Variants in WDFY2 observed in about 807,000 individuals in gnomAD.
WDFY2 encodes the protein WD repeat and FYVE domain containing 2.
Under a neutral mutation model 56.4 loss-of-function variants are expected in WDFY2, and 36 were observed. The observed-to-expected ratio is 0.64, with a 90% CI of 0.49 to 0.84. The LOEUF (loss-of-function observed/expected upper bound fraction) is 0.84. Among genes scored for constraint, WDFY2 ranks in the 40% least tolerant of loss-of-function variants. WDFY2 has a pLI of 0.00. For missense variants in WDFY2, 444 were observed against 512.2 expected, an observed-to-expected ratio of 0.87 and a Z score of 1.29; for synonymous variants, 176 against 183.7, an observed-to-expected ratio of 0.96 and a Z score of 0.34.
chr13:51,653,238 C>T (rs1281138199), intron 1 of WDFY2, among the ~76,000 whole-genome samples: 10 of 152,142 alleles, frequency 6.6e-5, no homozygotes, highest in African/African-American at 1.9e-4. Context: ...GTTCTCGTGC[C>T]GTGGTTTTCA....
intron 3 of WDFY2, among the ~76,000 whole-genome samples, chr13:51,701,520 C>CAA (rs368134096): frequency 0.29 from 23,204 of 79,092 alleles, 3,142 homozygotes; most frequent in East Asian, 0.48. Context: ...GATTCCATCT[C>CAA]AAAAAAAAAA....
At chr13:51,586,378 A>G (rs1048903235) in intron 1 of WDFY2, 5 of 268,754 alleles carry the variant, frequency 1.9e-5, no homozygotes, top group African/African-American at 8.8e-5. Context: ...CAAGAAAAGG[A>G]GAAGGGTAGT....
intron 4 of WDFY2, among the ~76,000 whole-genome samples, chr13:51,711,274 A>G (rs1300920314): frequency 6.6e-6 from 1 of 152,250 alleles, no homozygotes; most frequent in Non-Finnish European, 1.5e-5. Flanking sequence ...CTTACACCTT[A>G]TACAAAAATT....
chr13:51,628,580 A>G (rs765358080), intron 1 of WDFY2, among the ~76,000 whole-genome samples: 11 of 152,128 alleles, frequency 7.2e-5, no homozygotes, highest in Non-Finnish European at 1.6e-4. Context: ...CCTTGCTCCC[A>G]CTGGCCTCAC....
chr13:51,701,844 A>C (rs1171462573), intron 3 of WDFY2, among the ~76,000 whole-genome samples: 1 of 152,100 alleles, frequency 6.6e-6, no homozygotes, highest in East Asian at 1.9e-4. Context: ...GTCTTCAATA[A>C]ATTTATTTGT....
rs542945432 is a variant in WDFY2, at chr13:51,613,095, G to A, written c.137+28271G>A. The stretch of plus-strand genomic sequence containing the variant: ...TGCCTGTAGTCCCAGCTACCCGGAA[G>A]GCTGAGGTGGGAGGATCACTTAAGC... On this transcript the variant is annotated intron_variant, in intron 1 of 11. Transcript: ENST00000298125. 2.0e-5 allele frequency among the ~76,000 whole-genome samples: 3 copies of A among 152,194 alleles called. No homozygotes were observed. In the South Asian group the frequency reaches 6.2e-4, roughly 32 times the overall value.
rs760411596 is a variant in WDFY2 at position 51,584,663 on chromosome 13, C to T, written c.-25C>T. 2.5e-6 allele frequency: 4 copies of T among 1,591,494 alleles called. No homozygotes were observed. The highest frequency in any genetic ancestry group is 3.5e-5 in the Admixed American group (2 of 56,884). On this transcript the variant is annotated 5_prime_UTR_variant, in exon 1 of 12. Coordinates refer to ENST00000298125, the MANE Select transcript of WDFY2 (RefSeq NM_052950.4). ...GGCCCCGCGGCGCGGTTGGCGGCGG[C>T]GCCCCAGGCGCGCCCCCTCCTCCGA...
chr13:51,756,642 G>C (rs1041640782), intron 10 of WDFY2, 180 bp downstream of exon 10: 3 of 985,260 alleles, frequency 3.0e-6, no homozygotes, highest in Admixed American at 1.2e-4. Flanking sequence ...CCTGTGAGAT[G>C]AGAGAAGAGA....
At chr13:51,732,692 T>G (rs529659108) in intron 6 of WDFY2, among the ~76,000 whole-genome samples, 9 of 152,212 alleles carry the variant, frequency 5.9e-5, no homozygotes, top group Non-Finnish European at 1.2e-4. Flanking sequence ...TCATATAGTT[T>G]AGAACTTCAA....
chr13:51,687,133 A>G (rs989111342), intron 3 of WDFY2, among the ~76,000 whole-genome samples: 3 of 150,320 alleles, frequency 2.0e-5, no homozygotes, highest in Non-Finnish European at 3.0e-5. Context: ...ATATATTTTA[A>G]AAGTATATTA....
chr13:51,751,494 T>C, intron 8 of WDFY2, 79 bp downstream of exon 8: 1 of 1,319,308 alleles, frequency 7.6e-7, no homozygotes, highest in Non-Finnish European at 1.1e-6. Flanking sequence ...ATTTCTTTTA[T>C]GATTAAACCA....
intron 2 of WDFY2, among the ~76,000 whole-genome samples, chr13:51,668,658 A>G (rs1295140857): frequency 6.6e-6 from 1 of 152,204 alleles, no homozygotes; most frequent in Non-Finnish European, 1.5e-5. Context: ...AGACCCTCTT[A>G]TTGTGAAATC....
rs1369082709 is a variant in WDFY2, at chr13:51,758,428, GT to G, written c.1173+129del. On this transcript the variant is annotated intron_variant, in intron 11 of 11. Coordinates refer to ENST00000298125, the MANE Select transcript of WDFY2 (RefSeq NM_052950.4). ...TAGCCGGCCATGGTGGCATGTGTCT[GT>G]AGTCCCAGCTACTCAGGAGATTTAG... 5.6e-6 allele frequency: 3 copies of G among 537,676 alleles called. No individual in the cohort carries two copies. In the African/African-American group the frequency reaches 5.6e-5, roughly 10 times the overall value. 33.3% of individuals were successfully genotyped at this position (537,676 alleles called of 1,614,324 possible). A position where few individuals can be genotyped will look rare whatever the true frequency, so the allele number is the denominator to read the frequency against.
In WDFY2 at chr13:51,670,536, C is replaced by CACACAG. The variant is rs1485724613; in HGVS notation, c.206-4633_206-4632insCACAGA. Among the ~76,000 whole-genome samples the CACACAG allele has an allele frequency of 1.7e-3, 238 of 141,764 alleles. 2 individuals carry two copies. The highest frequency in any genetic ancestry group is 3.6e-3 in the Admixed American group (52 of 14,286). 93.0% of individuals were successfully genotyped at this position (141,764 alleles called of 152,430 possible). A position where few individuals can be genotyped will look rare whatever the true frequency, so the allele number is the denominator to read the frequency against. Reference sequence around the variant, plus strand: ...ACACACACACACACACACACACACACAGATGTTTGCCTGGTGTTTTCCCAA... The same window carrying CACACAG: ...ACACACACACACACACACACACACACACACAGAGATGTTTGCCTGGTGTTTTCCCAA... On this transcript the variant is annotated intron_variant, in intron 2 of 11. Coordinates refer to ENST00000298125, the MANE Select transcript of WDFY2 (RefSeq NM_052950.4).
intron 1 of WDFY2, among the ~76,000 whole-genome samples, chr13:51,659,034 C>T (rs1045704587): frequency 3.3e-5 from 5 of 152,148 alleles, no homozygotes; most frequent in African/African-American, 1.2e-4. Flanking sequence ...TCAAGTGATT[C>T]TCCTGCCTTA....
At chr13:51,687,072 T>A (rs1038964006) in intron 3 of WDFY2, among the ~76,000 whole-genome samples, 8 of 150,000 alleles carry the variant, frequency 5.3e-5, no homozygotes, top group Non-Finnish European at 1.2e-4. Context: ...AAACCATCAC[T>A]GAAAAAATTA....
intron 2 of WDFY2, among the ~76,000 whole-genome samples, chr13:51,670,163 C>T (rs1321162664): frequency 6.6e-6 from 1 of 152,102 alleles, no homozygotes; most frequent in Non-Finnish European, 1.5e-5. Context: ...ATTATCCTTC[C>T]CCAGAGAGTT....
At position 51,586,056 on chromosome 13, in the gene WDFY2, G is replaced by A. The variant is rs76905488; in HGVS notation, c.137+1232G>A. The A allele has an allele frequency of 2.0e-5, 8 of 398,552 alleles. No homozygotes were observed. In the East Asian group the frequency reaches 2.9e-4, roughly 14 times the overall value. The allele number at this position is 398,552 out of a possible 1,614,324, so 24.7% of individuals were successfully genotyped here. A position where few individuals can be genotyped will look rare whatever the true frequency, so the allele number is the denominator to read the frequency against. ...TGGAAAACATTGTAAACATACACCA[G>A]TGGCAAGCATTCTGCAATGAACAGA... On this transcript the variant is annotated intron_variant, in intron 1 of 11. Transcript: ENST00000298125.
At position 51,584,832 on chromosome 13, in the gene WDFY2, C is replaced by G. The variant is rs772238423; in HGVS notation, c.137+8C>G. 2.5e-5 allele frequency: 40 copies of G among 1,613,182 alleles called. No individual in the cohort carries two copies. The Middle Eastern group carries it at 8.2e-4, about 33-fold the overall frequency. ...CAGCGTCTCCGAGGACAGGTATGGACTACTGCCATTCGGCCGCGAGGAGGG... is the reference window on the plus strand; with the variant it reads ...CAGCGTCTCCGAGGACAGGTATGGAGTACTGCCATTCGGCCGCGAGGAGGG... On this transcript the variant is annotated splice_region_variant and intron_variant, in intron 1 of 11. Transcript: ENST00000298125.
Sources: gnomAD v4.1 joint callset for allele counts (sites outside exome capture counted in the v4.1 genomes callset) on GRCh38, gnomAD v4.1.1 for gene constraint, MANE v1.5 for transcripts, NCBI Gene and HGNC (gene_info 2026-07-23, HGNC 2026-07-21) for gene names.